EYA1: variants seen among roughly 807,000 people sequenced by gnomAD.
EYA1 encodes the protein EYA transcriptional coactivator and phosphatase 1.
In EYA1, 16 loss-of-function variants were observed where a neutral mutation model predicts 82.0. The observed-to-expected ratio is 0.20, with a 90% CI of 0.13 to 0.30. The LOEUF is 0.30. Ranked by LOEUF, EYA1 falls within the 10% of genes least tolerant of loss-of-function variation. The pLI, the probability that EYA1 is intolerant of heterozygous loss-of-function variation, is 1.00. For missense variants in EYA1, 633 were observed against 730.7 expected (o/e 0.87, Z 1.54); for synonymous variants, 261 against 264.4 (o/e 0.99, Z 0.12).
chr8:71,282,187 C>T (rs1586165181), intron 9 of EYA1, among the ~76,000 whole-genome samples: 1 of 152,184 alleles, frequency 6.6e-6, no homozygotes, highest in Non-Finnish European at 1.5e-5. Flanking sequence ...GCCAACCCCT[C>T]CTTTTGGCAT....
intron 2 of EYA1, among the ~76,000 whole-genome samples, chr8:71,368,923 T>C (rs1586566518): frequency 6.6e-6 from 1 of 151,096 alleles, no homozygotes; most frequent in East Asian, 2.0e-4. Context: ...GCGCGGTGGC[T>C]CACCCCTGTA....
intron 9 of EYA1, among the ~76,000 whole-genome samples, chr8:71,280,899 C>T (rs747133): frequency 0.1 from 15,139 of 151,932 alleles, 902 homozygotes; most frequent in South Asian, 0.21. Flanking sequence ...TAAGTGAGCA[C>T]CACCATCCCC....
chr8:71,343,636 G>A (rs1201769065), intron 3 of EYA1, among the ~76,000 whole-genome samples: 1 of 152,134 alleles, frequency 6.6e-6, no homozygotes, highest in African/African-American at 2.4e-5. Flanking sequence ...ACAGGCCCTT[G>A]ACCTTGGACT....
chr8:71,517,420 T>C (rs1188529734), intron 2 of EYA1, among the ~76,000 whole-genome samples: 2 of 151,884 alleles, frequency 1.3e-5, no homozygotes, highest in African/African-American at 2.4e-5. Flanking sequence ...AAGCCTTCTA[T>C]TACCAAGCAA....
chr8:71,395,674 T>A (rs1480115581), intron 2 of EYA1, among the ~76,000 whole-genome samples: 1 of 152,196 alleles, frequency 6.6e-6, no homozygotes, highest in Non-Finnish European at 1.5e-5. Flanking sequence ...CTTTTTGATG[T>A]GCTGCAGGAT....
At chr8:71,527,017 T>C (rs1039852740) in intron 2 of EYA1, among the ~76,000 whole-genome samples, 2 of 152,252 alleles carry the variant, frequency 1.3e-5, no homozygotes, top group East Asian at 3.8e-4. Context: ...TATATGATAC[T>C]ATACATAAAT....
Position 71,199,398 on chromosome 8 carries a change from A to G in EYA1, c.1721T>C (p.Ile574Thr), listed in dbSNP as rs771831582. Residue 574 changes from isoleucine (I) to threonine (T), a missense_variant, in exon 18 of 18, where the codon ATC (isoleucine) becomes ACC (threonine). Coordinates refer to ENST00000340726, the MANE Select transcript of EYA1 (RefSeq NM_000503.6). ...AKKHAMPFWR[I>T]SSHSDLMALH... ...GGCCATGAGGTCCGAGTGGCTGGAG[A>G]TCCTCCAGAAGGGCATCGCGTGCTG... 5 of 1,613,138 alleles carry G rather than the reference A, an allele frequency of 3.1e-6. No individual in the cohort carries two copies. Among genetic ancestry groups the G allele is most frequent in the Non-Finnish European group, 4.2e-6 (5 of 1,179,782 alleles).
chr8:71,277,115 A>ATGCTTTTTTTTTTTTTTTTTTTT (rs1563383057), intron 9 of EYA1, among the ~76,000 whole-genome samples: 2 of 76,936 alleles, frequency 2.6e-5, no homozygotes, highest in African/African-American at 5.3e-5. Context: ...GGCTTCACAC[A>ATGCTTTTTTTTTTTTTTTTTTTT]TTTTTTTTTT....
chr8:71,356,579 A>G, intron 1 of EYA1, 68 bp from the exon 2 acceptor site: 1 of 1,523,166 alleles, frequency 6.6e-7, no homozygotes, highest in Non-Finnish European at 8.8e-7. Flanking sequence ...TTAATTATAC[A>G]GAGCACATGG....
chr8:71,392,923 C>G (rs1387322567), intron 2 of EYA1, among the ~76,000 whole-genome samples: 1 of 151,638 alleles, frequency 6.6e-6, no homozygotes, highest in Non-Finnish European at 1.5e-5. Flanking sequence ...TGTAATTTAC[C>G]TAGGGCTCTC....
At chr8:71,324,329 C>T (rs182762000) in intron 4 of EYA1, among the ~76,000 whole-genome samples, 103 of 152,220 alleles carry the variant, frequency 6.8e-4, no homozygotes, top group Non-Finnish European at 5.3e-4. Context: ...GGCTGCAGAA[C>T]GTGGGAATTA....
At chr8:71,350,505 T>A (rs916395651) in intron 3 of EYA1, among the ~76,000 whole-genome samples, 1 of 152,186 alleles carries the variant, frequency 6.6e-6, no homozygotes, top group African/African-American at 2.4e-5. Flanking sequence ...TAGTATCTGT[T>A]CCCACCTTGG....
chr8:71,282,101 C>T (rs1189335531), intron 9 of EYA1, among the ~76,000 whole-genome samples: 1 of 152,166 alleles, frequency 6.6e-6, no homozygotes, highest in East Asian at 1.9e-4. Context: ...TTGCCAGGCT[C>T]TCCCCACCCG....
intron 1 of EYA1, among the ~76,000 whole-genome samples, chr8:71,358,595 GACA>G (rs1827111285): frequency 6.6e-6 from 1 of 152,172 alleles, no homozygotes; most frequent in African/African-American, 2.4e-5. Flanking sequence ...TGCGAATGCA[GACA>G]ACAATTAGAC....
At chr8:71,313,299 T>C (rs936872595) in intron 7 of EYA1, among the ~76,000 whole-genome samples, 1 of 152,204 alleles carries the variant, frequency 6.6e-6, no homozygotes, top group East Asian at 1.9e-4. Context: ...TTGCTATGCT[T>C]ATTTGGTTAT....
intron 2 of EYA1, among the ~76,000 whole-genome samples, chr8:71,385,582 A>G (rs1828929830): frequency 1.3e-5 from 2 of 152,210 alleles, no homozygotes; most frequent in African/African-American, 4.8e-5. Flanking sequence ...GGCCCACAAC[A>G]TTCCTTAGAT....
chr8:71,406,483 G>A lies in EYA1; in HGVS notation c.34-49972C>T, dbSNP rs529903405. Among the ~76,000 whole-genome samples the A allele has an allele frequency of 1.3e-4, 20 of 152,326 alleles. No individual in the cohort carries two copies. The South Asian group carries it at 4.1e-3, about 32-fold the overall frequency. On this transcript the variant is annotated intron_variant, in intron 2 of 18. Coordinates refer to the EYA1 transcript ENST00000643681. ...GGTACCGGGTTCATCTCACTAGGGA[G>A]TGCCAGACAGTGGGCGCAGGCCAGT...
chr8:71,401,669 A>C (rs1226817025), intron 2 of EYA1, among the ~76,000 whole-genome samples: 3 of 152,180 alleles, frequency 2.0e-5, no homozygotes, highest in Admixed American at 2.0e-4. Flanking sequence ...TCATCAGTCA[A>C]ATGGGAATAA....
At chr8:71,494,218 G>A (rs1042544542) in intron 2 of EYA1, among the ~76,000 whole-genome samples, 16 of 152,006 alleles carry the variant, frequency 1.1e-4, no homozygotes, top group African/African-American at 3.4e-4. Context: ...TTAGACAGTG[G>A]TTTATTTCAT....
Sources: allele counts gnomAD v4.1 joint callset (sites outside exome capture counted in the v4.1 genomes callset), GRCh38; gene constraint gnomAD v4.1.1; transcripts MANE v1.5; gene names NCBI Gene and HGNC (gene_info 2026-07-23, HGNC 2026-07-21).